ERV3-1: variants seen among roughly 807,000 people sequenced by gnomAD.
ERV3-1 encodes endogenous retrovirus group 3 member 1 Env polyprotein.
ERV3-1 carries 36 observed loss-of-function variants against 24.6 expected under a neutral mutation model. The ratio of observed to expected loss-of-function variants is 1.47; its 90% CI spans 1.12 to 1.94. ERV3-1 has a LOEUF of 1.94. Among genes scored for constraint, ERV3-1 ranks in the 30% most tolerant of loss-of-function variants. The probability of loss-of-function intolerance (pLI) is 0.00; values close to 1 mark genes in which losing one functional copy is unlikely to be tolerated. For synonymous variants in ERV3-1, 211 were observed against 122.6 expected (o/e 1.72, Z -4.76); for missense variants, 578 against 330.9 (o/e 1.75, Z -5.79).
At chr7:64,999,497 G>C (rs966104306) in intron 1 of ERV3-1, among the ~76,000 whole-genome samples, 1 of 152,210 alleles carries the variant, frequency 6.6e-6, no homozygotes, top group African/African-American at 2.4e-5. Flanking sequence ...GGGCGGGTCA[G>C]GTTTTTGGCA....
chr7:64,996,714 G>A (rs1584064902), intron 1 of ERV3-1, among the ~76,000 whole-genome samples: 1 of 152,188 alleles, frequency 6.6e-6, no homozygotes, highest in Non-Finnish European at 1.5e-5. Flanking sequence ...CTCCTTGGCT[G>A]ACAAAATGGC....
intron 1 of ERV3-1, among the ~76,000 whole-genome samples, chr7:65,000,931 A>G (rs561403908): frequency 3.3e-5 from 5 of 152,366 alleles, no homozygotes; most frequent in African/African-American, 7.2e-5. Context: ...TAGAAAACTA[A>G]TGCAGAAACA....
intron 1 of ERV3-1, among the ~76,000 whole-genome samples, chr7:64,998,786 G>A (rs896703078): frequency 1.2e-4 from 18 of 152,194 alleles, no homozygotes; most frequent in African/African-American, 4.1e-4. Flanking sequence ...TAGCCCCAAA[G>A]GATGTTTGCC....
At chr7:65,006,296 A>G (rs1786647971) in intron 1 of ERV3-1, 1 of 610,186 alleles carries the variant, frequency 1.6e-6, no homozygotes, top group Non-Finnish European at 2.8e-6. Context: ...AGCTGCCCAC[A>G]GAGGACTCCA....
In ERV3-1 at chr7:64,992,917, G is replaced by A. The variant is rs376520157; in HGVS notation, c.110C>T (p.Ser37Leu). ...GCLHCTHTTW[S>L]GNIMTKTLLY... is the part of the protein sequence containing the mutation. ...CAGGGTTTTAGTCATGATGTTCCCC[G>A]ACCACGTAGTGTGGGTGCAGTGGAG... The change falls in exon 2 of 2, where the codon TCG becomes TTG. Residue 37 changes from serine to leucine, a missense_variant. Coordinates refer to ENST00000394323, the MANE Select transcript of ERV3-1 (RefSeq NM_001007253.4). 47 of 766,276 alleles carry A rather than the reference G, an allele frequency of 6.1e-5. No individual in the cohort carries two copies. The highest frequency in any genetic ancestry group is 2.2e-4 in the East Asian group (9 of 41,248). 47.5% of individuals were successfully genotyped at this position (766,276 alleles called of 1,614,324 possible).
chr7:64,994,177 C>A (rs927171007), intron 1 of ERV3-1, among the ~76,000 whole-genome samples: 1 of 152,126 alleles, frequency 6.6e-6, no homozygotes. Flanking sequence ...GCCGAGTGGG[C>A]CATTGTCATG....
At chr7:65,006,293 C>T (rs1040758014) in intron 1 of ERV3-1, 1 of 604,638 alleles carries the variant, frequency 1.7e-6, no homozygotes, top group East Asian at 3.0e-5. Context: ...CAGAGCTGCC[C>T]ACAGAGGACT....
chr7:65,005,303 G>A (rs1356621693), intron 1 of ERV3-1: 1 of 152,188 alleles, frequency 6.6e-6, no homozygotes, highest in African/African-American at 2.4e-5. Context: ...GGTGGCTGAG[G>A]ACACATTACC....
chr7:64,999,806 C>T (rs747328485), intron 1 of ERV3-1, among the ~76,000 whole-genome samples: 14 of 152,194 alleles, frequency 9.2e-5, no homozygotes, highest in Admixed American at 5.9e-4. Context: ...GGAGCCCATT[C>T]TTTTGGGGTC....
rs1196102378 is a variant in ERV3-1, at chr7:64,993,206, A to G, written c.-180T>C. ...AGTCAGCTTCTGGGGTGACTAGAGC[A>G]GGGCTGTTGTCTCCTCAAGCTTCAG... On this transcript the variant is annotated 5_prime_UTR_variant, in exon 2 of 2. Transcript: ENST00000394323. 2.7e-5 allele frequency: 16 copies of G among 582,532 alleles called. No individual in the cohort carries two copies. Among genetic ancestry groups the G allele is most frequent in the Non-Finnish European group, 4.9e-5 (16 of 327,604 alleles). The allele number at this position is 582,532 out of a possible 1,614,324, so 36.1% of individuals were successfully genotyped here.
At position 64,991,959 on chromosome 7, in the gene ERV3-1, T is replaced by A. The variant is rs780687686; in HGVS notation, c.1068A>T (p.Pro356=). 6 of 766,442 alleles carry A rather than the reference T, an allele frequency of 7.8e-6. No individual in the cohort carries two copies. In the South Asian group the frequency reaches 8.0e-5, roughly 10 times the overall value. 47.5% of individuals were successfully genotyped at this position (766,442 alleles called of 1,614,324 possible). ...GTCCTAGGCAAGTTAACTCTCCTAC[T>A]GGGTCTGTAAAGGCCTTTCCCCAGC... ...IARWGKAFTD[P]VGELTCLGQQ... is the part of the protein sequence containing the mutation. Residue 356 remains proline (P), a synonymous_variant, in exon 2 of 2, where the codon CCA becomes CCT. Transcript: ENST00000394323.
intron 1 of ERV3-1, among the ~76,000 whole-genome samples, chr7:64,994,566 T>G (rs894345626): frequency 1.3e-5 from 2 of 152,198 alleles, no homozygotes; most frequent in South Asian, 2.1e-4. Context: ...TCCTTTTGCC[T>G]CTGACGTCCC....
Position 65,005,814 on chromosome 7 carries a change from C to T in ERV3-1, c.-389+727G>A, listed in dbSNP as rs186748058. On this transcript the variant is annotated intron_variant, in intron 1 of 1. Transcript: ENST00000394323. The stretch of plus-strand genomic sequence containing the variant: ...GGTGGCTCCAGTCCTAGGGTTGCTA[C>T]TTGCAAAAAAATCTAACTCGAATGA... Among the ~76,000 whole-genome samples the T allele has an allele frequency of 1.4e-3, 215 of 152,202 alleles. 1 individual carries two copies. Among genetic ancestry groups the T allele is most frequent in the African/African-American group, 5.1e-3 (212 of 41,526 alleles).
rs1208867614 is a variant in ERV3-1, at chr7:64,992,791, T to G, written c.236A>C (p.Tyr79Ser). 2 of 766,320 alleles carry G rather than the reference T, an allele frequency of 2.6e-6. No individual in the cohort carries two copies. The highest frequency in any genetic ancestry group is 3.4e-5 in the African/African-American group (2 of 59,132). 47.5% of individuals were successfully genotyped at this position (766,320 alleles called of 1,614,324 possible). A position where few individuals can be genotyped will look rare whatever the true frequency, so the allele number is the denominator to read the frequency against. Residue 79 changes from tyrosine to serine, a missense_variant, in exon 2 of 2, where the codon TAT becomes TCT. By Grantham distance (144) the Tyr-to-Ser change is moderately radical (BLOSUM62 -2). Transcript: ENST00000394323. ...SVCDPGRGQP[Y>S]VCYDPKSSPG... ...TGAAGACTTAGGGTCATAACACACA[T>G]AAGGCTGGCCCCTTCCTGGGTCACA...
chr7:65,006,668 C>T lies in ERV3-1; in HGVS notation c.-516G>A, dbSNP rs1389971139. 3 of 1,493,996 alleles carry T rather than the reference C, an allele frequency of 2.0e-6. No homozygotes were observed. Among genetic ancestry groups the T allele is most frequent in the Non-Finnish European group, 2.8e-6 (3 of 1,077,054 alleles). 92.5% of individuals were successfully genotyped at this position (1,493,996 alleles called of 1,614,324 possible). On this transcript the variant is annotated 5_prime_UTR_variant, in exon 1 of 2. Coordinates refer to ENST00000394323, the MANE Select transcript of ERV3-1 (RefSeq NM_001007253.4). The stretch of plus-strand genomic sequence containing the variant: ...AGAGCAGTGAAGACTACACCAGAAG[C>T]TCCGGCTGCCGCCAGAGACAAAGGC...
At chr7:64,997,997 C>A (rs555611433) in intron 1 of ERV3-1, among the ~76,000 whole-genome samples, 2 of 152,156 alleles carry the variant, frequency 1.3e-5, no homozygotes, top group East Asian at 3.9e-4. Flanking sequence ...AGGTCGAAGG[C>A]GGCCTGCTTG....
chr7:64,991,481 T>C lies in ERV3-1; in HGVS notation c.1546A>G (p.Ile516Val). 1 of 704,182 alleles carries C rather than the reference T, an allele frequency of 1.4e-6. No homozygotes were observed. The highest frequency in any genetic ancestry group is 2.6e-6 in the Non-Finnish European group (1 of 385,008). 43.6% of individuals were successfully genotyped at this position (704,182 alleles called of 1,614,324 possible). ...ATTTCTAGTACTGCCTGCAATCTTA[T>C]AATGCGGTTAAGCATGTAAACTGGG... Reference protein sequence around the residue: ...RTPVYMLNRIIRLQAVLEIIT... With the variant: ...RTPVYMLNRIVRLQAVLEIIT... The change falls in exon 2 of 2, where the codon ATA becomes GTA. Residue 516 changes from isoleucine to valine, a missense_variant. Transcript: ENST00000394323.
intron 1 of ERV3-1, among the ~76,000 whole-genome samples, chr7:64,994,088 G>A (rs965066850): frequency 2.0e-5 from 3 of 152,128 alleles, no homozygotes; most frequent in Non-Finnish European, 4.4e-5. Context: ...TGTACCGATA[G>A]CTCCCTGCCT....
chr7:65,000,492 T>G (rs1045614059), intron 1 of ERV3-1, among the ~76,000 whole-genome samples: 92 of 152,222 alleles, frequency 6.0e-4, no homozygotes, highest in Non-Finnish European at 4.7e-4. Context: ...CAAAGTGCTG[T>G]GATTACAGGC....
Sources: gnomAD v4.1 joint callset for allele counts (sites outside exome capture counted in the v4.1 genomes callset) on GRCh38, gnomAD v4.1.1 for gene constraint, MANE v1.5 for transcripts, NCBI Gene and HGNC (gene_info 2026-07-23, HGNC 2026-07-21) for gene names.